Variants in GSK3B observed in about 807,000 individuals in gnomAD.
GSK3B encodes glycogen synthase kinase 3 beta.
In GSK3B, 15 loss-of-function variants were observed where a neutral mutation model predicts 56.4. The ratio of observed to expected loss-of-function variants is 0.27; its 90% CI spans 0.18 to 0.41. The LOEUF is 0.41. Ranked by LOEUF, GSK3B falls within the 10% of genes least tolerant of loss-of-function variation. The pLI, the probability that GSK3B is intolerant of heterozygous loss-of-function variation, is 1.00. For synonymous variants in GSK3B, 181 were observed against 188.9 expected (o/e 0.96, Z 0.34); for missense variants, 300 against 513.4 (o/e 0.58, Z 4.02).
At chr3:119,958,822 G>A (rs773047371) in intron 2 of GSK3B, among the ~76,000 whole-genome samples, 19 of 144,804 alleles carry the variant, frequency 1.3e-4, no homozygotes, top group Non-Finnish European at 2.6e-4. Flanking sequence ...CATGAAAAGA[G>A]TGTTAAGTTG....
At chr3:120,077,161 T>C (rs1269716014) in intron 1 of GSK3B, among the ~76,000 whole-genome samples, 1 of 152,202 alleles carries the variant, frequency 6.6e-6, no homozygotes, top group Non-Finnish European at 1.5e-5. Context: ...CCAGTAATTA[T>C]TCTTTGGGTA....
At chr3:119,949,216 A>C (rs2057130933) in intron 2 of GSK3B, among the ~76,000 whole-genome samples, 1 of 152,234 alleles carries the variant, frequency 6.6e-6, no homozygotes, top group Non-Finnish European at 1.5e-5. Context: ...ATTGTGCATA[A>C]TACTTTTGAT....
At chr3:119,999,326 G>GT in intron 2 of GSK3B, among the ~76,000 whole-genome samples, 1 of 152,166 alleles carries the variant, frequency 6.6e-6, no homozygotes, top group Non-Finnish European at 1.5e-5. Flanking sequence ...ATAAAATGTG[G>GT]TAAGGCACTG....
At chr3:119,853,456 A>G (rs951689092) in intron 9 of GSK3B, among the ~76,000 whole-genome samples, 3 of 152,186 alleles carry the variant, frequency 2.0e-5, no homozygotes, top group Non-Finnish European at 4.4e-5. Flanking sequence ...ATTTCTGTGA[A>G]GAAAGTCATT....
chr3:119,889,944 G>A lies in GSK3B; in HGVS notation c.814-13436C>T, dbSNP rs113726580. 7.2e-3 allele frequency among the ~76,000 whole-genome samples: 1,100 copies of A among 151,886 alleles called. 14 individuals carry two copies. The highest frequency in any genetic ancestry group is 0.024 in the African/African-American group (1,014 of 41,424). Reference sequence around the variant, plus strand: ...AAGAAAATTAAACAAAAATAAAGAGGGGCATTTCCTAATGATAAAAGTCAT... The same window carrying A: ...AAGAAAATTAAACAAAAATAAAGAGAGGCATTTCCTAATGATAAAAGTCAT... On this transcript the variant is annotated intron_variant, in intron 7 of 10. Transcript: ENST00000264235.
chr3:120,052,960 T>G (rs1160069266), intron 1 of GSK3B, among the ~76,000 whole-genome samples: 1 of 152,106 alleles, frequency 6.6e-6, no homozygotes, highest in East Asian at 1.9e-4. Context: ...AAGGTCAGAG[T>G]TCGTAAGTGT....
At chr3:119,971,650 C>T (rs1466596604) in intron 2 of GSK3B, among the ~76,000 whole-genome samples, 2 of 109,980 alleles carry the variant, frequency 1.8e-5, no homozygotes, top group Admixed American at 1.4e-4. Flanking sequence ...CTCGCTCTGT[C>T]GCCCAGGCTG....
intron 3 of GSK3B, among the ~76,000 whole-genome samples, chr3:119,944,730 C>G (rs1239169735): frequency 6.6e-6 from 1 of 152,160 alleles, no homozygotes; most frequent in Non-Finnish European, 1.5e-5. Context: ...GGAATCTCTA[C>G]TTGCATGTGT....
intron 2 of GSK3B, among the ~76,000 whole-genome samples, chr3:119,958,311 C>A (rs1352186806): frequency 2.8e-5 from 4 of 144,236 alleles, no homozygotes; most frequent in Non-Finnish European, 5.9e-5. Flanking sequence ...ATCCTTACAG[C>A]AGTGTGAGAA....
At chr3:120,087,555 T>C (rs959632995) in intron 1 of GSK3B, among the ~76,000 whole-genome samples, 2 of 152,072 alleles carry the variant, frequency 1.3e-5, no homozygotes, top group African/African-American at 4.8e-5. Context: ...GTGTACTTTT[T>C]ATTACTGAAT....
chr3:120,093,884 A>AAGGGGGATGGGTAGGAGGGAGGGAG lies in GSK3B; in HGVS notation c.-475_-451dup, dbSNP rs1409073431. ...ATCACGAGTCTCACGCTTGAAGAGA[A>AAGGGGGATGGGTAGGAGGGAGGGAG]AGGGGGATGGGTAGGAGGGAGGGAG... On this transcript the variant is annotated 5_prime_UTR_variant, in exon 1 of 11. Transcript: ENST00000264235. 1.6e-5 allele frequency: 3 copies of AAGGGGGATGGGTAGGAGGGAGGGAG among 188,546 alleles called. No individual in the cohort carries two copies. The highest frequency in any genetic ancestry group is 3.3e-5 in the Non-Finnish European group (3 of 90,190). 11.7% of individuals were successfully genotyped at this position (188,546 alleles called of 1,614,324 possible). A position where few individuals can be genotyped will look rare whatever the true frequency, so the allele number is the denominator to read the frequency against.
chr3:120,056,956 A>T (rs930709749), intron 1 of GSK3B, among the ~76,000 whole-genome samples: 1 of 152,294 alleles, frequency 6.6e-6, no homozygotes, highest in East Asian at 1.9e-4. Context: ...CAGCCTGGCC[A>T]TAATGGCAAA....
intron 9 of GSK3B, among the ~76,000 whole-genome samples, chr3:119,846,640 C>G (rs2055860878): frequency 6.6e-6 from 1 of 152,154 alleles, no homozygotes; most frequent in Non-Finnish European, 1.5e-5. Flanking sequence ...CAAGAAACAA[C>G]AGATGCTGGA....
chr3:120,088,994 C>T (rs1441006653), intron 1 of GSK3B, among the ~76,000 whole-genome samples: 1 of 152,234 alleles, frequency 6.6e-6, no homozygotes, highest in Non-Finnish European at 1.5e-5. Context: ...ACTCTTTAGA[C>T]TCTGCTGCTG....
At chr3:119,865,564 G>C (rs922492040) in intron 8 of GSK3B, among the ~76,000 whole-genome samples, 1 of 145,496 alleles carries the variant, frequency 6.9e-6, no homozygotes, top group African/African-American at 2.6e-5. Context: ...CTGCCTCCCG[G>C]GTTCATGCCA....
chr3:119,865,464 ATAT>A (rs2056168423), intron 8 of GSK3B, among the ~76,000 whole-genome samples: 1 of 28,526 alleles, frequency 3.5e-5, no homozygotes, highest in African/African-American at 9.6e-5. Flanking sequence ...ATATATATAT[ATAT>A]TTTTTTTTTT....
chr3:120,053,710 A>T (rs1330484815), intron 1 of GSK3B, among the ~76,000 whole-genome samples: 1 of 152,186 alleles, frequency 6.6e-6, no homozygotes, highest in East Asian at 1.9e-4. Flanking sequence ...AGGGACCCAC[A>T]TTGTATCATG....
intron 7 of GSK3B, among the ~76,000 whole-genome samples, chr3:119,897,479 T>C (rs1308862455): frequency 6.6e-6 from 1 of 151,984 alleles, no homozygotes; most frequent in African/African-American, 2.4e-5. Flanking sequence ...TCTTATTTCC[T>C]TGTACTATAA....
chr3:120,092,611 A>T (rs1323719468), intron 1 of GSK3B, among the ~76,000 whole-genome samples: 1 of 152,224 alleles, frequency 6.6e-6, no homozygotes, highest in Non-Finnish European at 1.5e-5. Context: ...GATTAAACAT[A>T]AATTATACGG....
Sources: allele counts gnomAD v4.1 joint callset (sites outside exome capture counted in the v4.1 genomes callset), GRCh38; gene constraint gnomAD v4.1.1; transcripts MANE v1.5; gene names NCBI Gene and HGNC (gene_info 2026-07-23, HGNC 2026-07-21).